The following STK3 variants were observed in gnomAD, a reference collection of about 807,000 sequenced individuals.
STK3 encodes the protein serine/threonine-protein kinase 3.
Under a neutral mutation model 58.0 loss-of-function variants are expected in STK3, and 41 were observed. The ratio of observed to expected loss-of-function variants is 0.71; its 90% CI spans 0.55 to 0.92. The LOEUF is 0.92. STK3 is among the 40% of genes least tolerant of loss of function. The probability of loss-of-function intolerance (pLI) is 0.00; values close to 1 mark genes in which losing one functional copy is unlikely to be tolerated. For missense variants in STK3, 479 were observed against 602.7 expected (o/e 0.79, Z 2.15); for synonymous variants, 170 against 191.0 (o/e 0.89, Z 0.91).
At chr8:98,685,113 C>T (rs1823895696) in intron 6 of STK3, among the ~76,000 whole-genome samples, 3 of 152,150 alleles carry the variant, frequency 2.0e-5, no homozygotes, top group Non-Finnish European at 2.9e-5. Context: ...TTAAATTCTC[C>T]CACACAAATA....
chr8:98,881,717 T>A (rs1045494046), downstream of STK3: 1 of 152,204 alleles, frequency 6.6e-6, no homozygotes, highest in South Asian at 2.1e-4. Flanking sequence ...TTAAAAAATA[T>A]CAAACTCTGT....
intron 6 of STK3, among the ~76,000 whole-genome samples, chr8:98,698,460 G>A (rs1389160890): frequency 1.3e-5 from 2 of 152,098 alleles, no homozygotes; most frequent in Non-Finnish European, 2.9e-5. Flanking sequence ...TCCTAGCCTC[G>A]ATGGTCTTTA....
At chr8:98,588,444 T>C (rs1814888850) in intron 7 of STK3, among the ~76,000 whole-genome samples, 2 of 151,662 alleles carry the variant, frequency 1.3e-5, no homozygotes, top group Non-Finnish European at 1.5e-5. Context: ...TCTTCTGGCT[T>C]GTAGGGTTTC....
At chr8:98,459,974 C>A (rs890337098) in intron 10 of STK3, among the ~76,000 whole-genome samples, 2 of 152,190 alleles carry the variant, frequency 1.3e-5, no homozygotes, top group African/African-American at 2.4e-5. Flanking sequence ...CATAAAGAGT[C>A]CCCACTGGGG....
chr8:98,931,206 T>C (rs1839991858), intron 1 of STK3, among the ~76,000 whole-genome samples: 1 of 152,152 alleles, frequency 6.6e-6, no homozygotes. Flanking sequence ...GTTCTGCTTG[T>C]ATAGGAAGGC....
intron 10 of STK3, among the ~76,000 whole-genome samples, chr8:98,524,859 C>T (rs1376937735): frequency 5.3e-5 from 8 of 152,194 alleles, no homozygotes; most frequent in Admixed American, 2.0e-4. Context: ...GCAGAAGAAA[C>T]ACTTAGATAA....
intron 4 of STK3, among the ~76,000 whole-genome samples, chr8:98,724,277 C>T (rs548094332): frequency 6.6e-6 from 1 of 152,282 alleles, no homozygotes; most frequent in African/African-American, 2.4e-5. Flanking sequence ...TCCTGCCAGC[C>T]TCGACCATCT....
chr8:98,937,463 T>C (rs186669180), intron 1 of STK3, among the ~76,000 whole-genome samples: 63 of 152,356 alleles, frequency 4.1e-4, no homozygotes, highest in Admixed American at 4.1e-3. Context: ...ACTAAAAATG[T>C]AAGACAGAAT....
intron 1 of STK3, among the ~76,000 whole-genome samples, chr8:98,906,015 C>T (rs1838884181): frequency 6.6e-6 from 1 of 152,150 alleles, no homozygotes; most frequent in African/African-American, 2.4e-5. Context: ...GAGATTGGCA[C>T]ACGTGTGGGC....
intron 2 of STK3, 29 bp downstream of exon 2, chr8:98,774,710 T>C: frequency 7.0e-7 from 1 of 1,437,888 alleles, no homozygotes; most frequent in South Asian, 1.3e-5. Flanking sequence ...CTGAAATTAT[T>C]TACATGCTTT....
chr8:98,694,372 T>A (rs1824673437), intron 6 of STK3, among the ~76,000 whole-genome samples: 1 of 152,216 alleles, frequency 6.6e-6, no homozygotes, highest in African/African-American at 2.4e-5. Context: ...TTTCATACTT[T>A]AAGTTTTAGG....
chr8:98,931,130 T>C (rs1839989393), intron 1 of STK3, among the ~76,000 whole-genome samples: 1 of 152,178 alleles, frequency 6.6e-6, no homozygotes, highest in Admixed American at 6.5e-5. Flanking sequence ...GTGCAACCAC[T>C]GACCCCACTC....
At chr8:98,535,060 C>T (rs1809643523) in intron 9 of STK3, among the ~76,000 whole-genome samples, 3 of 152,050 alleles carry the variant, frequency 2.0e-5, no homozygotes. Flanking sequence ...ATGTGTCACA[C>T]ACATAAATAC....
chr8:98,587,933 T>C (rs1160861973), intron 7 of STK3, among the ~76,000 whole-genome samples: 1 of 152,180 alleles, frequency 6.6e-6, no homozygotes, highest in Non-Finnish European at 1.5e-5. Context: ...CTGCCTTTTT[T>C]TGTTTTCCAT....
At chr8:98,933,590 A>G (rs1364900207) in intron 1 of STK3, among the ~76,000 whole-genome samples, 2 of 152,216 alleles carry the variant, frequency 1.3e-5, no homozygotes, top group Non-Finnish European at 2.9e-5. Context: ...TCTCTCAGGC[A>G]TGGGAAGCCC....
At chr8:98,737,139 A>G (rs1482464770) in intron 4 of STK3, among the ~76,000 whole-genome samples, 1 of 152,196 alleles carries the variant, frequency 6.6e-6, no homozygotes, top group Non-Finnish European at 1.5e-5. Context: ...TCATGTTTTT[A>G]TATCTTTTTT....
intron 10 of STK3, among the ~76,000 whole-genome samples, chr8:98,502,414 T>C (rs188147105): frequency 6.6e-6 from 1 of 152,200 alleles, no homozygotes; most frequent in African/African-American, 2.4e-5. Context: ...TCTTGCCTGA[T>C]TGCCCTGACC....
At chr8:98,934,638 G>A (rs1029873359) in intron 1 of STK3, among the ~76,000 whole-genome samples, 14 of 152,184 alleles carry the variant, frequency 9.2e-5, no homozygotes, top group African/African-American at 2.7e-4. Context: ...TATGTAGGCC[G>A]GGCACGGTGA....
chr8:98,654,998 T>C (rs1821354199), intron 6 of STK3, among the ~76,000 whole-genome samples: 1 of 151,182 alleles, frequency 6.6e-6, no homozygotes, highest in Non-Finnish European at 1.5e-5. Context: ...AAAGTTCATA[T>C]GGAAAAAAAA....
Sources: gnomAD v4.1 joint callset for allele counts (sites outside exome capture counted in the v4.1 genomes callset) on GRCh38, gnomAD v4.1.1 for gene constraint, MANE v1.5 for transcripts, NCBI Gene and HGNC (gene_info 2026-07-23, HGNC 2026-07-21) for gene names.